Variants in ZNF529 observed in about 807,000 individuals in gnomAD.
ZNF529 encodes zinc finger protein 529.
A neutral mutation model predicts 10.1 loss-of-function variants in ZNF529; 11 were observed. The ratio of observed to expected loss-of-function variants is 1.09; its 90% CI spans 0.69 to 1.81. ZNF529 has a LOEUF of 1.81. Ranked by LOEUF, ZNF529 falls within the 40% of genes most tolerant of loss-of-function variation. The pLI is 0.00. For synonymous variants in ZNF529, 204 were observed against 215.7 expected (o/e 0.95, Z 0.47); for missense variants, 624 against 666.8 (o/e 0.94, Z 0.71).
chr19:36,568,336 A>C (rs2967439), intron 2 of ZNF529, among the ~76,000 whole-genome samples: 104,899 of 151,546 alleles, frequency 0.69, 36,700 homozygotes, highest in African/African-American at 0.79. Context: ...CTAGTGCAGC[A>C]TGGAAGAAGC....
chr19:36,595,052 T>C (rs1187636108), intron 1 of ZNF529, among the ~76,000 whole-genome samples: 1 of 152,024 alleles, frequency 6.6e-6, no homozygotes, highest in Non-Finnish European at 1.5e-5. Flanking sequence ...CTGATTTTTG[T>C]ATTTTTAATA....
At chr19:36,554,628 C>T in intron 4 of ZNF529, 42 bp downstream of exon 4, 2 of 1,467,736 alleles carry the variant, frequency 1.4e-6, no homozygotes, top group Non-Finnish European at 1.8e-6. Context: ...AGTTGATAGT[C>T]TAGAGAGTAT....
intron 2 of ZNF529, among the ~76,000 whole-genome samples, chr19:36,565,573 T>A (rs888451651): frequency 6.6e-6 from 1 of 152,086 alleles, no homozygotes; most frequent in African/African-American, 2.4e-5. Flanking sequence ...TGGTGGCACA[T>A]GCCTATAATC....
chr19:36,556,014 G>A lies in ZNF529; in HGVS notation c.108+90C>T. On this transcript the variant is annotated intron_variant, in intron 3 of 4. Coordinates refer to ENST00000591340, the MANE Select transcript of ZNF529 (RefSeq NM_020951.5). ...CTTACTAGAAAGCGAAGAAGTATGG[G>A]GTTGTGGTACAGGTTCTTTGACAGA... The A allele has an allele frequency of 2.2e-6, 3 of 1,334,386 alleles. 1 individual carries two copies. Among genetic ancestry groups the A allele is most frequent in the Non-Finnish European group, 3.1e-6 (3 of 960,134 alleles). The allele number at this position is 1,334,386 out of a possible 1,614,324, so 82.7% of individuals were successfully genotyped here. A position where few individuals can be genotyped will look rare whatever the true frequency, so the allele number is the denominator to read the frequency against.
chr19:36,555,772 C>A (rs2035445151), intron 3 of ZNF529, among the ~76,000 whole-genome samples: 1 of 152,178 alleles, frequency 6.6e-6, no homozygotes, highest in Non-Finnish European at 1.5e-5. Context: ...ATCAATCTAC[C>A]TGGAAACTCA....
At chr19:36,561,238 G>A (rs1427685169) in intron 2 of ZNF529, among the ~76,000 whole-genome samples, 2 of 152,178 alleles carry the variant, frequency 1.3e-5, no homozygotes, top group African/African-American at 2.4e-5. Flanking sequence ...CTTGGCTGCC[G>A]TAGTTGTGGC....
At chr19:36,560,568 G>T (rs1001814331) in intron 2 of ZNF529, among the ~76,000 whole-genome samples, 2 of 152,012 alleles carry the variant, frequency 1.3e-5, no homozygotes, top group Admixed American at 6.6e-5. Flanking sequence ...AATGTATAAA[G>T]GTTCTCCTTT....
At chr19:36,573,520 G>A (rs931914989), upstream of ZNF529, 20 of 470,172 alleles carry the variant, frequency 4.3e-5, no homozygotes, top group Non-Finnish European at 6.6e-5. Flanking sequence ...GGTCCCTGAC[G>A]GCAAGGTGAA....
chr19:36,587,160 T>C (rs1007150835), intron 2 of ZNF529, among the ~76,000 whole-genome samples: 3 of 151,088 alleles, frequency 2.0e-5, no homozygotes, highest in African/African-American at 7.3e-5. Context: ...AGCTACTCAG[T>C]AGGCTGAGGC....
At chr19:36,601,395 C>T (rs867143480) in intron 1 of ZNF529, among the ~76,000 whole-genome samples, 6 of 152,088 alleles carry the variant, frequency 3.9e-5, no homozygotes, top group East Asian at 1.9e-4. Context: ...TGAGTCACTG[C>T]GCCCGGCCAC....
intron 1 of ZNF529, among the ~76,000 whole-genome samples, chr19:36,590,584 A>C (rs778509930): frequency 4.6e-5 from 7 of 152,246 alleles, no homozygotes; most frequent in Non-Finnish European, 7.3e-5. Context: ...AAAATAAATG[A>C]AATATATAAT....
At chr19:36,573,905 G>T (rs2036243535), upstream of ZNF529, among the ~76,000 whole-genome samples, 1 of 152,202 alleles carries the variant, frequency 6.6e-6, no homozygotes, top group South Asian at 2.1e-4. Flanking sequence ...ACCCGTGGTC[G>T]TAAACCTGAG....
intron 2 of ZNF529, among the ~76,000 whole-genome samples, chr19:36,564,551 C>T (rs2035825983): frequency 6.6e-6 from 1 of 152,132 alleles, no homozygotes; most frequent in African/African-American, 2.4e-5. Context: ...ATGAGTTAGC[C>T]ATCTCATATC....
chr19:36,547,451 C>A lies in ZNF529; in HGVS notation c.1107G>T (p.Lys369Asn). The change falls in exon 5 of 5, where the codon AAG becomes AAT. Residue 369 changes from lysine to asparagine, a missense_variant. Coordinates refer to ENST00000591340, the MANE Select transcript of ZNF529 (RefSeq NM_020951.5). ...IHTGEKPYAC[K>N]ECGKAFGVCR... ...ATACTCCAAAAGCCTTCCCACATTC[C>A]TTACATGCATAAGGTTTCTCACCAG... 1 of 1,613,972 alleles carries A rather than the reference C, an allele frequency of 6.2e-7. No individual in the cohort carries two copies. Among genetic ancestry groups the A allele is most frequent in the Non-Finnish European group, 8.5e-7 (1 of 1,179,932 alleles).
intron 4 of ZNF529, among the ~76,000 whole-genome samples, chr19:36,549,219 A>G (rs910261449): frequency 6.6e-6 from 1 of 152,060 alleles, no homozygotes; most frequent in Non-Finnish European, 1.5e-5. Flanking sequence ...TTCTAATCCC[A>G]TATCTAGTGC....
Position 36,546,753 on chromosome 19 carries a change from TA to T in ZNF529, c.*112del. On this transcript the variant is annotated 3_prime_UTR_variant, in exon 5 of 5. Coordinates refer to ENST00000591340, the MANE Select transcript of ZNF529 (RefSeq NM_020951.5). ...CTACATACAGAATGACCATGAAGTC[TA>T]AAAACAGACTTTAAGAGAGGGAGAT... 3.4e-6 allele frequency: 4 copies of T among 1,188,094 alleles called. No individual in the cohort carries two copies. The highest frequency in any genetic ancestry group is 1.6e-5 in the South Asian group (1 of 62,014). The allele number at this position is 1,188,094 out of a possible 1,614,324, so 73.6% of individuals were successfully genotyped here.
chr19:36,591,407 C>T (rs1448698144), intron 1 of ZNF529, among the ~76,000 whole-genome samples: 2 of 151,430 alleles, frequency 1.3e-5, no homozygotes, highest in Admixed American at 6.6e-5. Flanking sequence ...CTGAAACACA[C>T]AAGATGAAAC....
intron 1 of ZNF529, among the ~76,000 whole-genome samples, chr19:36,596,420 T>C (rs375088981): frequency 1.3e-5 from 2 of 152,052 alleles, no homozygotes; most frequent in South Asian, 4.2e-4. Flanking sequence ...TTATCTCTCA[T>C]AATATTTTTG....
At chr19:36,563,315 C>G (rs1194699748) in intron 2 of ZNF529, among the ~76,000 whole-genome samples, 1 of 151,566 alleles carries the variant, frequency 6.6e-6, no homozygotes, top group African/African-American at 2.4e-5. Context: ...CCTAGCTACT[C>G]GGGAGGCTGA....
Sources: gnomAD v4.1 joint callset for allele counts (sites outside exome capture counted in the v4.1 genomes callset) on GRCh38, gnomAD v4.1.1 for gene constraint, MANE v1.5 for transcripts, NCBI Gene and HGNC (gene_info 2026-07-23, HGNC 2026-07-21) for gene names.